The following LRCH1 variants were observed in gnomAD, a reference collection of about 807,000 sequenced individuals.
LRCH1 encodes leucine rich repeats and calponin homology domain containing 1.
LRCH1 carries 23 observed loss-of-function variants against 94.9 expected under a neutral mutation model. That is an observed-to-expected ratio of 0.24 (90% CI 0.17 to 0.34). LRCH1 has a LOEUF of 0.34. LRCH1 is among the 10% of genes least tolerant of loss of function. LRCH1 has a pLI of 1.00. For synonymous variants in LRCH1, 364 were observed against 354.9 expected (o/e 1.03, Z -0.29); for missense variants, 790 against 945.9 (o/e 0.84, Z 2.16).
chr13:46,682,969 G>A (rs1050318595), intron 4 of LRCH1, among the ~76,000 whole-genome samples: 2 of 152,188 alleles, frequency 1.3e-5, no homozygotes, highest in Non-Finnish European at 1.5e-5. Flanking sequence ...AGGAATGAAC[G>A]GATGAGTCCT....
At chr13:46,675,907 G>A (rs560721737) in intron 3 of LRCH1, among the ~76,000 whole-genome samples, 2 of 152,342 alleles carry the variant, frequency 1.3e-5, no homozygotes, top group African/African-American at 4.8e-5. Context: ...AGACACTGGT[G>A]TTGAAAGGTG....
At chr13:46,626,289 C>T (rs1181892642) in intron 1 of LRCH1, among the ~76,000 whole-genome samples, 2 of 151,990 alleles carry the variant, frequency 1.3e-5, no homozygotes, top group African/African-American at 4.8e-5. Flanking sequence ...TGTCAGACCC[C>T]GAGCCCAAGC....
chr13:46,697,389 T>G (rs1013693748), intron 9 of LRCH1, among the ~76,000 whole-genome samples: 3 of 152,206 alleles, frequency 2.0e-5, no homozygotes, highest in Non-Finnish European at 4.4e-5. Flanking sequence ...ATATATTGAT[T>G]GATGAACATT....
In LRCH1 at chr13:46,692,625, C is replaced by T. The variant is rs375347729; in HGVS notation, c.1104C>T (p.Arg368=). Residue 368 remains arginine, a synonymous_variant, in exon 8 of 20, where the codon CGC becomes CGT. Coordinates refer to ENST00000389797, the MANE Select transcript of LRCH1 (RefSeq NM_001164211.2). ...TCATCAAGGAGGACTCGTGCCATCG[C>T]CTTAGCCCCGTTAAAGGTCTGAGAA... ...EQIIKEDSCH[R]LSPVKGEFHQ... 23 of 1,613,652 alleles carry T rather than the reference C, an allele frequency of 1.4e-5. No individual in the cohort carries two copies. The highest frequency in any genetic ancestry group is 1.9e-5 in the Non-Finnish European group (22 of 1,179,768).
chr13:46,596,888 A>T lies in LRCH1; in HGVS notation c.307+43185A>T, dbSNP rs140786000. 2.7e-3 allele frequency among the ~76,000 whole-genome samples: 407 copies of T among 152,340 alleles called. 4 individuals carry two copies. The highest frequency in any genetic ancestry group is 9.3e-3 in the African/African-American group (388 of 41,560). On this transcript the variant is annotated intron_variant, in intron 1 of 19. Coordinates refer to ENST00000389797, the MANE Select transcript of LRCH1 (RefSeq NM_001164211.2). ...TCACCACCCCAGGAAGATAGTAACT[A>T]GTGCTCTATGTATGTAGCTCAGAGC... is the stretch of plus-strand genomic sequence containing the variant.
At chr13:46,619,242 C>T (rs1384640347) in intron 1 of LRCH1, among the ~76,000 whole-genome samples, 2 of 152,050 alleles carry the variant, frequency 1.3e-5, no homozygotes, top group African/African-American at 2.4e-5. Context: ...CCCTGAGTAG[C>T]TGGGACTACA....
intron 1 of LRCH1, among the ~76,000 whole-genome samples, chr13:46,553,966 C>T (rs950667074): frequency 6.6e-6 from 1 of 152,218 alleles, no homozygotes; most frequent in African/African-American, 2.4e-5. Context: ...CGAGGGGTCT[C>T]CGGCTCTCCA....
intron 3 of LRCH1, among the ~76,000 whole-genome samples, chr13:46,677,386 C>T (rs746865586): frequency 2.1e-4 from 32 of 151,968 alleles, no homozygotes; most frequent in East Asian, 5.8e-4. Context: ...GCCAAGATCG[C>T]GCCATCGCAC....
chr13:46,693,886 C>A (rs1325091026), intron 8 of LRCH1, among the ~76,000 whole-genome samples: 1 of 151,862 alleles, frequency 6.6e-6, no homozygotes, highest in African/African-American at 2.4e-5. Context: ...CAGATCTTCT[C>A]ATAAATAGTT....
chr13:46,706,379 T>G (rs1269184455), intron 13 of LRCH1, among the ~76,000 whole-genome samples: 1 of 152,210 alleles, frequency 6.6e-6, no homozygotes, highest in African/African-American at 2.4e-5. Context: ...TCTCTATTAT[T>G]GTTATTGGTG....
intron 1 of LRCH1, among the ~76,000 whole-genome samples, chr13:46,569,439 A>G (rs536547078): frequency 2.6e-5 from 4 of 152,276 alleles, no homozygotes; most frequent in African/African-American, 9.6e-5. Context: ...AGCCCCAGGG[A>G]TCTAAGTACA....
intron 1 of LRCH1, among the ~76,000 whole-genome samples, chr13:46,633,879 AT>A (rs796924628): frequency 0.044 from 5,448 of 122,596 alleles, 236 homozygotes; most frequent in African/African-American, 0.14. Context: ...CTTTTCCTGC[AT>A]TTTTTTTTTT....
intron 1 of LRCH1, among the ~76,000 whole-genome samples, chr13:46,610,205 C>T (rs2050732656): frequency 6.6e-6 from 1 of 152,096 alleles, no homozygotes; most frequent in Non-Finnish European, 1.5e-5. Flanking sequence ...AAGATGTCTC[C>T]CTTTGAACAT....
In LRCH1 at chr13:46,553,586, G is replaced by C. The variant is rs765478401; in HGVS notation, c.190G>C (p.Glu64Gln). The C allele has an allele frequency of 1.3e-6, 2 of 1,554,710 alleles. No homozygotes were observed. The highest frequency in any genetic ancestry group is 1.7e-6 in the Non-Finnish European group (2 of 1,149,752). The change falls in exon 1 of 20, where the codon GAG becomes CAG. Residue 64 changes from glutamate (E) to glutamine (Q), a missense_variant. Physicochemically the swap from Glu to Gln is conservative, Grantham distance 29 (BLOSUM62 2). Coordinates refer to ENST00000389797, the MANE Select transcript of LRCH1 (RefSeq NM_001164211.2). ...GFNLPLNRGL[E>Q]RALEEAANSG... ...CAACCTGCCCTTGAACCGGGGTCTG[G>C]AGCGCGCGCTTGAGGAGGCGGCCAA...
rs990768039 is a variant in LRCH1, at chr13:46,596,281, G to A, written c.307+42578G>A. Among the ~76,000 whole-genome samples the A allele has an allele frequency of 2.0e-5, 3 of 152,196 alleles. No homozygotes were observed. The South Asian group carries it at 6.2e-4, about 32-fold the overall frequency. ...ACACTGTGATCCTAATGAACACCGA[G>A]GAAAGCTTGTATTGCAGCCCTAAAT... On this transcript the variant is annotated intron_variant, in intron 1 of 19. Transcript: ENST00000389797.
downstream of LRCH1, among the ~76,000 whole-genome samples, chr13:46,749,858 C>T (rs1325843314): frequency 6.6e-6 from 1 of 152,164 alleles, no homozygotes; most frequent in Admixed American, 6.5e-5. Flanking sequence ...CAAGGAGGGA[C>T]TCACGCTTAC....
Position 46,741,908 on chromosome 13 carries a change from C to T in LRCH1, c.*60C>T. The T allele has an allele frequency of 6.2e-7, 1 of 1,606,182 alleles. No homozygotes were observed. Among genetic ancestry groups the T allele is most frequent in the Non-Finnish European group, 8.5e-7 (1 of 1,175,454 alleles). On this transcript the variant is annotated 3_prime_UTR_variant, in exon 20 of 20. Transcript: ENST00000389797. ...GCCCTCAACCTTTGCAGGGTCCTTC[C>T]TACCTTTGAGCCTTTGCCTTGCAAA...
chr13:46,723,197 C>CT (rs755777579), intron 16 of LRCH1, 24 bp from the exon 17 acceptor site: 50 of 1,423,144 alleles, frequency 3.5e-5, no homozygotes, highest in African/African-American at 1.6e-4. Flanking sequence ...TATATAAAGG[C>CT]TTTTTTTCCC....
chr13:46,559,516 A>T (rs1219869477), intron 1 of LRCH1, among the ~76,000 whole-genome samples: 1 of 152,212 alleles, frequency 6.6e-6, no homozygotes, highest in Admixed American at 6.5e-5. Flanking sequence ...GTGGTTCTGA[A>T]TCACGTCTAG....
Sources: allele counts gnomAD v4.1 joint callset (sites outside exome capture counted in the v4.1 genomes callset), GRCh38; gene constraint gnomAD v4.1.1; transcripts MANE v1.5; gene names NCBI Gene and HGNC (gene_info 2026-07-23, HGNC 2026-07-21).